FRMPD4: variants seen among roughly 807,000 people sequenced by gnomAD.
FRMPD4 encodes the protein FERM and PDZ domain containing 4.
Under a neutral mutation model 94.1 loss-of-function variants are expected in FRMPD4, and 22 were observed. The ratio of observed to expected loss-of-function variants is 0.23; its 90% confidence interval spans 0.17 to 0.33. The LOEUF (loss-of-function observed/expected upper bound fraction) is 0.33. Among genes scored for constraint, FRMPD4 ranks in the 10% least tolerant of loss-of-function variants. FRMPD4 has a pLI of 1.00. For missense variants in FRMPD4, 1,111 were observed against 1,339.9 expected, an observed-to-expected ratio of 0.83 and a Z score of 2.67; for synonymous variants, 631 against 548.6, an observed-to-expected ratio of 1.15 and a Z score of -2.10.
chrX:12,678,798 C>G (rs967280880), intron 5 of FRMPD4, among the ~76,000 whole-genome samples: 3 of 112,357 alleles, frequency 2.7e-5, no homozygotes, highest in African/African-American at 6.5e-5. Flanking sequence ...GCACTCCACC[C>G]TGGGCAACAA....
At chrX:12,503,537 A>G (rs2057946772) in intron 2 of FRMPD4, among the ~76,000 whole-genome samples, 1 of 112,163 alleles carries the variant, frequency 8.9e-6, no homozygotes, top group Non-Finnish European at 1.9e-5. Context: ...ACTTCGGAGT[A>G]GTTTAGTCAT....
intron 2 of FRMPD4, among the ~76,000 whole-genome samples, chrX:12,525,438 T>C (rs745335957): frequency 1.4e-4 from 16 of 111,794 alleles, no homozygotes; most frequent in South Asian, 3.8e-4. Flanking sequence ...ATTAAACAGA[T>C]TTTTTTATTC....
chrX:11,954,504 T>A (rs2054243744), intron 3 of FRMPD4, among the ~76,000 whole-genome samples: 1 of 111,868 alleles, frequency 8.9e-6, no homozygotes, highest in Non-Finnish European at 1.9e-5. Context: ...ATAATCATCA[T>A]GGTTGAAGTG....
At chrX:11,989,226 A>G (rs2054450266) in intron 3 of FRMPD4, among the ~76,000 whole-genome samples, 1 of 111,874 alleles carries the variant, frequency 8.9e-6, no homozygotes, top group African/African-American at 3.2e-5. Flanking sequence ...TTTGAAAGCA[A>G]CCTAAGTGTC....
intron 1 of FRMPD4, chrX:12,149,034 AT>A (rs1245146566): frequency 8.9e-6 from 1 of 111,918 alleles, no homozygotes; most frequent in African/African-American, 3.3e-5. Flanking sequence ...GGAGACTAAT[AT>A]TGTTTTCATG....
At chrX:12,615,784 C>A (rs2059230194) in intron 4 of FRMPD4, among the ~76,000 whole-genome samples, 1 of 111,022 alleles carries the variant, frequency 9.0e-6, no homozygotes, top group African/African-American at 3.3e-5. Context: ...GTTGGTGCAA[C>A]AGTAATTGCT....
chrX:12,624,708 G>C (rs182107328), intron 4 of FRMPD4, among the ~76,000 whole-genome samples: 25 of 111,551 alleles, frequency 2.2e-4, no homozygotes, highest in African/African-American at 8.1e-4. Flanking sequence ...TCCAACCTTT[G>C]TATAATAGGA....
At chrX:12,289,947 G>C (rs767469418) in intron 1 of FRMPD4, among the ~76,000 whole-genome samples, 2 of 112,059 alleles carry the variant, frequency 1.8e-5, no homozygotes, top group Non-Finnish European at 3.8e-5. Flanking sequence ...GCAGAATGAG[G>C]AGGGCAGAGT....
At chrX:12,526,898 C>T (rs1036378409) in intron 2 of FRMPD4, among the ~76,000 whole-genome samples, 4 of 111,917 alleles carry the variant, frequency 3.6e-5, no homozygotes, top group African/African-American at 1.3e-4. Flanking sequence ...TTGTTAAATT[C>T]TCAATCTTTC....
At chrX:12,294,782 A>G (rs1005471829) in intron 1 of FRMPD4, among the ~76,000 whole-genome samples, 7 of 111,226 alleles carry the variant, frequency 6.3e-5, no homozygotes, top group African/African-American at 2.3e-4. Context: ...ATATCTTTTT[A>G]ATGAATAAAT....
intron 4 of FRMPD4, among the ~76,000 whole-genome samples, chrX:12,639,816 G>A (rs2059477462): frequency 8.9e-6 from 1 of 111,856 alleles, no homozygotes; most frequent in African/African-American, 3.3e-5. Context: ...AAGAGGTGTA[G>A]TATTTTCCCA....
At chrX:11,950,943 C>A (rs965658389) in intron 3 of FRMPD4, among the ~76,000 whole-genome samples, 1 of 107,856 alleles carries the variant, frequency 9.3e-6, no homozygotes, top group African/African-American at 3.4e-5. Flanking sequence ...CCTATAATCC[C>A]AGCTACTCAG....
chrX:12,643,924 CT>C (rs769369423), intron 4 of FRMPD4, among the ~76,000 whole-genome samples: 3 of 112,468 alleles, frequency 2.7e-5, no homozygotes, highest in Non-Finnish European at 3.8e-5. Context: ...AATTTTTTCA[CT>C]GCCAATAAGA....
At chrX:12,480,691 A>G (rs964402116) in intron 1 of FRMPD4, among the ~76,000 whole-genome samples, 1 of 112,215 alleles carries the variant, frequency 8.9e-6, no homozygotes, top group Admixed American at 9.5e-5. Context: ...AAGAGTCCAC[A>G]TGGGAAACAT....
At chrX:11,862,562 C>G (rs1056419826) in intron 1 of FRMPD4, among the ~76,000 whole-genome samples, 4 of 110,742 alleles carry the variant, frequency 3.6e-5, no homozygotes, top group African/African-American at 1.3e-4. Context: ...GGCTCCAGCT[C>G]CTACAGTCTA....
At chrX:12,019,634 G>T (rs996675060) in intron 3 of FRMPD4, among the ~76,000 whole-genome samples, 1 of 109,724 alleles carries the variant, frequency 9.1e-6, no homozygotes. Context: ...CAACTGGACT[G>T]CTCACTTTTT....
At chrX:12,592,204 T>C in intron 2 of FRMPD4, among the ~76,000 whole-genome samples, 1 of 112,029 alleles carries the variant, frequency 8.9e-6, no homozygotes, top group Admixed American at 9.4e-5. Flanking sequence ...CTATTACCAT[T>C]AGATCATACC....
chrX:12,150,433 C>T lies in FRMPD4; in HGVS notation c.41+11421C>T, dbSNP rs190841918. 2.7e-5 allele frequency among the ~76,000 whole-genome samples: 3 copies of T among 112,022 alleles called. No homozygotes were observed. The East Asian group carries it at 8.4e-4, about 31-fold the overall frequency. Reference sequence around the variant, plus strand: ...CCCTATATCTGGGCCCATATCCTCTCATTCTCGTATTTCTTTTCTTTCCTT... The same window carrying T: ...CCCTATATCTGGGCCCATATCCTCTTATTCTCGTATTTCTTTTCTTTCCTT... On this transcript the variant is annotated intron_variant, in intron 1 of 16. Transcript: ENST00000675598.
intron 1 of FRMPD4, among the ~76,000 whole-genome samples, chrX:12,187,189 C>T (rs766577293): frequency 1.8e-5 from 2 of 111,584 alleles, no homozygotes; most frequent in East Asian, 2.8e-4. Flanking sequence ...CTCATCCACC[C>T]CTATTCCTAT....
Sources: gnomAD v4.1 joint callset for allele counts (sites outside exome capture counted in the v4.1 genomes callset) on GRCh38, gnomAD v4.1.1 for gene constraint, MANE v1.5 for transcripts, NCBI Gene and HGNC (gene_info 2026-07-23, HGNC 2026-07-21) for gene names.